Variants in FAM3B observed in about 807,000 individuals in gnomAD.
The protein encoded by FAM3B is protein FAM3B.
A neutral mutation model predicts 28.4 loss-of-function variants in FAM3B; 29 were observed. That is an observed-to-expected ratio of 1.02 (90% CI 0.76 to 1.39). The LOEUF is 1.39. Among genes scored for constraint, FAM3B ranks in the 40% most tolerant of loss-of-function variants. FAM3B has a pLI of 0.00. For missense variants in FAM3B, 266 were observed against 293.9 expected, an observed-to-expected ratio of 0.91 and a Z score of 0.69; for synonymous variants, 91 against 103.0, an observed-to-expected ratio of 0.88 and a Z score of 0.71.
intron 2 of FAM3B, among the ~76,000 whole-genome samples, chr21:41,333,413 G>A (rs1036431312): frequency 1.3e-5 from 2 of 152,156 alleles, no homozygotes; most frequent in African/African-American, 2.4e-5. Context: ...ATGATAATGA[G>A]TGAGTTCTCA....
chr21:41,338,322 G>T (rs2088973575), intron 2 of FAM3B, 56 bp from the exon 3 acceptor site: 2 of 1,597,962 alleles, frequency 1.3e-6, no homozygotes, highest in Non-Finnish European at 1.7e-6. Context: ...AGCAGCAGGT[G>T]CATCTGTAAA....
At chr21:41,323,181 G>A (rs1601352567) in intron 2 of FAM3B, 115 bp downstream of exon 2, 1 of 1,407,146 alleles carries the variant, frequency 7.1e-7, no homozygotes, top group Non-Finnish European at 9.7e-7. Context: ...ATATCAGGAA[G>A]GAGGAGGAGA....
intron 1 of FAM3B, among the ~76,000 whole-genome samples, chr21:41,309,057 G>T (rs796327264): frequency 3.9e-5 from 6 of 152,230 alleles, no homozygotes; most frequent in African/African-American, 1.4e-4. Context: ...AGAGACCGAG[G>T]CTCTAGCTGA....
chr21:41,309,058 C>T (rs907541444), intron 1 of FAM3B, among the ~76,000 whole-genome samples: 1 of 152,140 alleles, frequency 6.6e-6, no homozygotes, highest in African/African-American at 2.4e-5. Flanking sequence ...GAGACCGAGG[C>T]TCTAGCTGAG....
chr21:41,329,005 C>T (rs190657881), intron 2 of FAM3B, among the ~76,000 whole-genome samples: 2 of 152,328 alleles, frequency 1.3e-5, no homozygotes, highest in Non-Finnish European at 2.9e-5. Context: ...GTCATGATAG[C>T]TTTTATCTTT....
intron 2 of FAM3B, among the ~76,000 whole-genome samples, chr21:41,330,385 A>T (rs1468895145): frequency 6.6e-6 from 1 of 152,188 alleles, no homozygotes; most frequent in Non-Finnish European, 1.5e-5. Context: ...GGTATACCCA[A>T]CTGGTATATA....
intron 1 of FAM3B, chr21:41,322,653 C>T (rs1484098469): frequency 3.3e-5 from 24 of 718,242 alleles, no homozygotes; most frequent in East Asian, 8.0e-5. Context: ...CGTTCAAGGA[C>T]GTTTGTTGGT....
chr21:41,310,769 G>C (rs1293649557), intron 1 of FAM3B, among the ~76,000 whole-genome samples: 1 of 152,166 alleles, frequency 6.6e-6, no homozygotes, highest in Non-Finnish European at 1.5e-5. Context: ...CATCACCCCT[G>C]GCTCAGCAAG....
chr21:41,321,432 G>A (rs2088804691), intron 1 of FAM3B, among the ~76,000 whole-genome samples: 1 of 152,198 alleles, frequency 6.6e-6, no homozygotes, highest in South Asian at 2.1e-4. Flanking sequence ...GCAGCTGCGG[G>A]AGAGGGGCCT....
intron 1 of FAM3B, among the ~76,000 whole-genome samples, chr21:41,307,451 A>T (rs948279172): frequency 6.6e-6 from 1 of 152,210 alleles, no homozygotes; most frequent in Non-Finnish European, 1.5e-5. Flanking sequence ...GGCACTTATC[A>T]TATCCTTTAA....
intron 7 of FAM3B, among the ~76,000 whole-genome samples, chr21:41,350,640 C>A (rs778618292): frequency 6.6e-6 from 1 of 152,208 alleles, no homozygotes; most frequent in South Asian, 2.1e-4. Context: ...CCAGGCTGTG[C>A]GCAGGACAAC....
chr21:41,354,883 A>C (rs2089152775), intron 7 of FAM3B, among the ~76,000 whole-genome samples: 1 of 152,244 alleles, frequency 6.6e-6, no homozygotes, highest in Non-Finnish European at 1.5e-5. Context: ...TACCTTATAG[A>C]AAGTGAAAGA....
At chr21:41,355,580 C>CAAAT (rs2089158012) in intron 7 of FAM3B, among the ~76,000 whole-genome samples, 1 of 151,742 alleles carries the variant, frequency 6.6e-6, no homozygotes, top group Non-Finnish European at 1.5e-5. Flanking sequence ...AACAAACAAA[C>CAAAT]ACAAAAGGTC....
At chr21:41,328,930 C>T (rs538533319) in intron 2 of FAM3B, among the ~76,000 whole-genome samples, 14 of 152,200 alleles carry the variant, frequency 9.2e-5, no homozygotes, top group African/African-American at 1.4e-4. Flanking sequence ...GCTCTGATGT[C>T]GCAGCACTTC....
chr21:41,351,240 G>A (rs1672746898), intron 7 of FAM3B, among the ~76,000 whole-genome samples: 1 of 152,202 alleles, frequency 6.6e-6, no homozygotes, highest in Admixed American at 6.5e-5. Flanking sequence ...AGTTTCTGGA[G>A]CAGGAGAAAT....
At chr21:41,351,383 T>A (rs2089119295) in intron 7 of FAM3B, among the ~76,000 whole-genome samples, 1 of 152,174 alleles carries the variant, frequency 6.6e-6, no homozygotes, top group Non-Finnish European at 1.5e-5. Context: ...TTATCCAAGT[T>A]ACTACAGGAG....
chr21:41,323,002 A>T lies in FAM3B; in HGVS notation c.99A>T (p.Pro33=). ...GGTACCTGCTCGCAGAGCTCATTCC[A>T]GATGCACCCCTGTCCAGTGCTGCCT... is the stretch of plus-strand genomic sequence containing the variant. The part of the protein sequence containing the change: ...YSGYLLAELI[P]DAPLSSAAYS... The change falls in exon 2 of 8, where the codon CCA becomes CCT. Residue 33 remains proline (P), a synonymous_variant. Coordinates refer to ENST00000357985, the MANE Select transcript of FAM3B (RefSeq NM_058186.4). 1 of 1,611,170 alleles carries T rather than the reference A, an allele frequency of 6.2e-7. No individual in the cohort carries two copies. The highest frequency in any genetic ancestry group is 1.3e-5 in the African/African-American group (1 of 75,066).
At chr21:41,323,112 G>A (rs375976076) in intron 2 of FAM3B, 46 bp downstream of exon 2, 8 of 1,592,544 alleles carry the variant, frequency 5.0e-6, no homozygotes, top group Non-Finnish European at 6.8e-6. Flanking sequence ...TGGCTTGTGT[G>A]CAGAGGGAGG....
At chr21:41,330,342 T>G (rs1181760671) in intron 2 of FAM3B, among the ~76,000 whole-genome samples, 1 of 152,164 alleles carries the variant, frequency 6.6e-6, no homozygotes, top group African/African-American at 2.4e-5. Context: ...AACAAAAATT[T>G]GTAACACTGC....
Sources: gnomAD v4.1 joint callset for allele counts (sites outside exome capture counted in the v4.1 genomes callset) on GRCh38, gnomAD v4.1.1 for gene constraint, MANE v1.5 for transcripts, NCBI Gene and HGNC (gene_info 2026-07-23, HGNC 2026-07-21) for gene names.